RWDD4: variants seen among roughly 807,000 people sequenced by gnomAD.
The protein encoded by RWDD4 is RWD domain containing 4.
RWDD4 carries 16 observed loss-of-function variants against 30.0 expected under a neutral mutation model. The ratio of observed to expected loss-of-function variants is 0.53; its 90% CI spans 0.36 to 0.81. The LOEUF (loss-of-function observed/expected upper bound fraction) is 0.81, where lower values mean the gene tolerates loss of function less well. Ranked by LOEUF, RWDD4 falls within the 30% of genes least tolerant of loss-of-function variation. The pLI, the probability that RWDD4 is intolerant of heterozygous loss-of-function variation, is 0.00. For synonymous variants in RWDD4, 45 were observed against 72.1 expected, an observed-to-expected ratio of 0.62 and a Z score of 1.90; for missense variants, 170 against 223.9, an observed-to-expected ratio of 0.76 and a Z score of 1.54.
chr4:183,647,479 A>C (rs915341297), intron 5 of RWDD4, among the ~76,000 whole-genome samples: 1 of 152,178 alleles, frequency 6.6e-6, no homozygotes, highest in Non-Finnish European at 1.5e-5. Flanking sequence ...TGGTTAACTA[A>C]AACTTAGCCA....
At chr4:183,647,170 T>C (rs750739959) in intron 5 of RWDD4, among the ~76,000 whole-genome samples, 2 of 152,240 alleles carry the variant, frequency 1.3e-5, no homozygotes, top group Non-Finnish European at 2.9e-5. Context: ...TATTCAAATT[T>C]AAAGAATAGC....
In RWDD4 at chr4:183,640,923, T is replaced by G. The variant is rs1323840243; in HGVS notation, c.*513A>C. 1 of 151,886 alleles carries G rather than the reference T, an allele frequency of 6.6e-6. No homozygotes were observed. The highest frequency in any genetic ancestry group is 1.5e-5 in the Non-Finnish European group (1 of 67,948). 9.4% of individuals were successfully genotyped at this position (151,886 alleles called of 1,614,324 possible). On this transcript the variant is annotated 3_prime_UTR_variant, in exon 8 of 8. Coordinates refer to ENST00000326397, the MANE Select transcript of RWDD4 (RefSeq NM_152682.4). ...AAAAGAAACTACAAAAAGTATCATG[T>G]ATAAAGTTCAAATACCAGCATTTAA... is the stretch of plus-strand genomic sequence containing the variant.
intron 7 of RWDD4, among the ~76,000 whole-genome samples, chr4:183,644,828 G>A (rs996769373): frequency 6.6e-6 from 1 of 152,046 alleles, no homozygotes; most frequent in African/African-American, 2.4e-5. Context: ...CCTGAGCAGT[G>A]GCTCATGCCT....
intron 2 of RWDD4, among the ~76,000 whole-genome samples, chr4:183,654,000 C>T (rs1734134564): frequency 6.6e-6 from 1 of 152,002 alleles, no homozygotes; most frequent in African/African-American, 2.4e-5. Context: ...GAGACATGGC[C>T]CAAATATTAA....
Position 183,642,300 on chromosome 4 carries a change from CTG to C in RWDD4, c.535-834_535-833del, listed in dbSNP as rs1317306943. On this transcript the variant is annotated intron_variant, in intron 7 of 7. Coordinates refer to ENST00000326397, the MANE Select transcript of RWDD4 (RefSeq NM_152682.4). ...CGCCTCCCGGGTTCACGCCATTCTC[CTG>C]CCTCAGCCTCCCAAGTAGCTGGGAC... Among the ~76,000 whole-genome samples, 5 of 127,122 alleles carry C rather than the reference CTG, an allele frequency of 3.9e-5. 1 individual carries two copies. In the East Asian group the frequency reaches 1.1e-3, roughly 29 times the overall value. The allele number at this position is 127,122 out of a possible 152,430, so 83.4% of individuals were successfully genotyped here. A position where few individuals can be genotyped will look rare whatever the true frequency, so the allele number is the denominator to read the frequency against.
At chr4:183,650,950 A>G in intron 4 of RWDD4, 34 bp downstream of exon 4, 1 of 1,590,136 alleles carries the variant, frequency 6.3e-7, no homozygotes, top group Non-Finnish European at 8.6e-7. Context: ...CAAAACAACA[A>G]AAGAATCCGG....
chr4:183,651,993 CT>C (rs1734086217), intron 2 of RWDD4, among the ~76,000 whole-genome samples: 1 of 152,180 alleles, frequency 6.6e-6, no homozygotes, highest in African/African-American at 2.4e-5. Context: ...TTTACTTTAT[CT>C]TTCCCCCTCT....
rs752249282 is a variant in RWDD4, at chr4:183,649,471, C to T, written c.461G>A (p.Arg154His). The T allele has an allele frequency of 4.0e-5, 64 of 1,608,210 alleles. No homozygotes were observed. The highest frequency in any genetic ancestry group is 1.8e-4 in the Middle Eastern group (1 of 5,434). The change falls in exon 5 of 8, where the codon CGT becomes CAT. Residue 154 changes from arginine (R) to histidine (H), a missense_variant. Arg to His is a conservative substitution (Grantham distance 29, BLOSUM62 0). Coordinates refer to ENST00000326397, the MANE Select transcript of RWDD4 (RefSeq NM_152682.4). ...KKEQLSKAQK[R>H]KLADKTDHKG... ...CAAACCTGTTTTGTCTGCCAGCTTA[C>T]GCTTCTGGGCTTTTGAAAGTTGTTC...
chr4:183,641,618 AGC>A, intron 7 of RWDD4, 150 bp from the exon 8 acceptor site: 1 of 665,556 alleles, frequency 1.5e-6, no homozygotes, highest in Non-Finnish European at 2.7e-6. Flanking sequence ...TTCAACTTCA[AGC>A]TCAGCTACTT....
chr4:183,641,265 A>G lies in RWDD4; in HGVS notation c.*171T>C, dbSNP rs1579120209. On this transcript the variant is annotated 3_prime_UTR_variant, in exon 8 of 8. Coordinates refer to ENST00000326397, the MANE Select transcript of RWDD4 (RefSeq NM_152682.4). ...GGCAAGTTTGTGAAAATAATTTAAT[A>G]CAACAAGATCTCTTCATGAACTTTC... The G allele has an allele frequency of 6.3e-6, 4 of 630,784 alleles. No homozygotes were observed. In the East Asian group the frequency reaches 1.1e-4, roughly 17 times the overall value. 39.1% of individuals were successfully genotyped at this position (630,784 alleles called of 1,614,324 possible). A position where few individuals can be genotyped will look rare whatever the true frequency, so the allele number is the denominator to read the frequency against.
intron 2 of RWDD4, among the ~76,000 whole-genome samples, chr4:183,655,559 C>T (rs1324128688): frequency 6.6e-6 from 1 of 152,030 alleles, no homozygotes; most frequent in Non-Finnish European, 1.5e-5. Context: ...GCTGGGATTA[C>T]AGGTGAGAGC....
chr4:183,649,564 G>C lies in RWDD4; in HGVS notation c.368C>G (p.Ser123Trp). 6.7e-7 allele frequency: 1 copy of C among 1,493,910 alleles called. No individual in the cohort carries two copies. Among genetic ancestry groups the C allele is most frequent in the Non-Finnish European group, 9.2e-7 (1 of 1,090,390 alleles). The allele number at this position is 1,493,910 out of a possible 1,614,324, so 92.5% of individuals were successfully genotyped here. Residue 123 changes from serine (S) to tryptophan (W), a missense_variant, in exon 5 of 8, where the codon TCG becomes TGG. Ser to Trp is a radical substitution (Grantham distance 177). Coordinates refer to ENST00000326397, the MANE Select transcript of RWDD4 (RefSeq NM_152682.4). The stretch of plus-strand genomic sequence containing the variant: ...TTCAATTGAGATGATATTGCTTATC[G>C]ATGTCTAAAAAAAAAAAGAAATAAT... ...ENHNPINSAT[S>W]ISNIISIETP...
In RWDD4 at chr4:183,641,047, T is replaced by C. The variant is rs1391772944; in HGVS notation, c.*389A>G. On this transcript the variant is annotated 3_prime_UTR_variant, in exon 8 of 8. Coordinates refer to ENST00000326397, the MANE Select transcript of RWDD4 (RefSeq NM_152682.4). ...AATATGGATTGCACTATGGAGTAAC[T>C]GTTCACTGAGTACTCCGCTCCACTG... 4 of 197,176 alleles carry C rather than the reference T, an allele frequency of 2.0e-5. No homozygotes were observed. The highest frequency in any genetic ancestry group is 9.5e-5 in the African/African-American group (4 of 42,146). The allele number at this position is 197,176 out of a possible 1,614,324, so 12.2% of individuals were successfully genotyped here.
chr4:183,656,474 T>C (rs1219832978), intron 1 of RWDD4, among the ~76,000 whole-genome samples: 1 of 152,206 alleles, frequency 6.6e-6, no homozygotes, highest in African/African-American at 2.4e-5. Flanking sequence ...AGAAAAAGGC[T>C]GACAAGTATC....
chr4:183,653,904 A>G (rs1369630392), intron 2 of RWDD4, among the ~76,000 whole-genome samples: 1 of 152,226 alleles, frequency 6.6e-6, no homozygotes, highest in African/African-American at 2.4e-5. Context: ...CAAAACTGCA[A>G]TATGAATAAT....
chr4:183,655,806 C>A (rs577776534), intron 2 of RWDD4, 75 bp downstream of exon 2: 1 of 833,278 alleles, frequency 1.2e-6, no homozygotes, highest in Non-Finnish European at 2.0e-6. Flanking sequence ...GTTTAAAAAA[C>A]AAAATAAGCA....
At chr4:183,657,699 C>T (rs1267894684) in intron 1 of RWDD4, among the ~76,000 whole-genome samples, 4 of 152,178 alleles carry the variant, frequency 2.6e-5, no homozygotes, top group African/African-American at 4.8e-5. Flanking sequence ...TCCACAAACA[C>T]GTGATTCCAG....
chr4:183,651,473 G>C (rs1480367923), intron 2 of RWDD4, 146 bp from the exon 3 acceptor site: 1 of 658,060 alleles, frequency 1.5e-6, no homozygotes, highest in Non-Finnish European at 2.6e-6. Flanking sequence ...ACACAGGCTA[G>C]GACTGAGCAG....
At chr4:183,643,636 G>C (rs1258311779) in intron 7 of RWDD4, among the ~76,000 whole-genome samples, 3 of 151,772 alleles carry the variant, frequency 2.0e-5, no homozygotes. Flanking sequence ...CTTCTTTCGG[G>C]CTGGGCATGG....
Sources: gnomAD v4.1 joint callset for allele counts (sites outside exome capture counted in the v4.1 genomes callset) on GRCh38, gnomAD v4.1.1 for gene constraint, MANE v1.5 for transcripts, NCBI Gene and HGNC (gene_info 2026-07-23, HGNC 2026-07-21) for gene names.